Variants in CDYL2 observed in about 807,000 individuals in gnomAD.
The protein encoded by CDYL2 is chromodomain Y like 2, also known as chromodomain Y-like protein 2.
A neutral mutation model predicts 49.4 loss-of-function variants in CDYL2; 23 were observed. The observed-to-expected ratio is 0.47, with a 90% CI of 0.34 to 0.66. The LOEUF (loss-of-function observed/expected upper bound fraction) is 0.66, where lower values mean the gene tolerates loss of function less well. Among genes scored for constraint, CDYL2 ranks in the 30% least tolerant of loss-of-function variants. The pLI is 0.01. For missense variants in CDYL2, 678 were observed against 656.4 expected (o/e 1.03, Z -0.36); for synonymous variants, 360 against 268.8 (o/e 1.34, Z -3.32).
At chr16:80,744,553 T>A (rs1156712122) in intron 1 of CDYL2, among the ~76,000 whole-genome samples, 3 of 152,200 alleles carry the variant, frequency 2.0e-5, no homozygotes, top group Non-Finnish European at 4.4e-5. Context: ...ATCATTTTAT[T>A]TAATCCTCCC....
At chr16:80,728,470 A>C (rs1905233209) in intron 1 of CDYL2, among the ~76,000 whole-genome samples, 1 of 152,200 alleles carries the variant, frequency 6.6e-6, no homozygotes, top group African/African-American at 2.4e-5. Flanking sequence ...TCTACGTCTG[A>C]TTGGTGTACC....
chr16:80,700,399 C>A (rs1261702523), intron 1 of CDYL2, among the ~76,000 whole-genome samples: 1 of 152,044 alleles, frequency 6.6e-6, no homozygotes, highest in Non-Finnish European at 1.5e-5. Flanking sequence ...AATTAAATGA[C>A]AATGGACTGA....
intron 2 of CDYL2, among the ~76,000 whole-genome samples, chr16:80,675,124 C>G (rs1909689700): frequency 6.6e-6 from 1 of 152,176 alleles, no homozygotes; most frequent in African/African-American, 2.4e-5. Context: ...AAAGGCAGGC[C>G]CAGGGGTGTT....
intron 1 of CDYL2, among the ~76,000 whole-genome samples, chr16:80,763,602 ACT>A (rs771520467): frequency 6.7e-6 from 1 of 150,176 alleles, no homozygotes; most frequent in Non-Finnish European, 1.5e-5. Context: ...ACAGAGCAAG[ACT>A]CTGTCTCAAA....
intron 2 of CDYL2, among the ~76,000 whole-genome samples, chr16:80,659,712 C>A (rs1474472483): frequency 6.6e-6 from 1 of 151,892 alleles, no homozygotes; most frequent in East Asian, 1.9e-4. Context: ...TCATAGTTTT[C>A]TGTAAGTTTG....
In CDYL2 at chr16:80,634,248, A is replaced by G. The variant is rs995738925; in HGVS notation, c.617-1012T>C. On this transcript the variant is annotated intron_variant, in intron 2 of 6. Transcript: ENST00000570137. ...ATAGCTCACACTTGGAAAGAACCCA[A>G]ATGTCCATCAGTGATAGACTGGATT... Among the ~76,000 whole-genome samples the G allele has an allele frequency of 2.6e-5, 4 of 152,208 alleles. No homozygotes were observed. The South Asian group carries it at 8.3e-4, about 32-fold the overall frequency.
intron 1 of CDYL2, among the ~76,000 whole-genome samples, chr16:80,794,089 T>C (rs1311876395): frequency 1.3e-5 from 2 of 152,232 alleles, no homozygotes; most frequent in Non-Finnish European, 2.9e-5. Flanking sequence ...GTCTGTTTCA[T>C]GTAGAAAAAC....
chr16:80,643,462 C>T (rs890611933), intron 2 of CDYL2, among the ~76,000 whole-genome samples: 1 of 152,242 alleles, frequency 6.6e-6, no homozygotes, highest in African/African-American at 2.4e-5. Flanking sequence ...CTCCACTAGG[C>T]GGTGCCTCCA....
chr16:80,611,624 G>A lies in CDYL2; in HGVS notation c.1218+1002C>T, dbSNP rs531521500. On this transcript the variant is annotated intron_variant, in intron 5 of 6. Coordinates refer to ENST00000570137, the MANE Select transcript of CDYL2 (RefSeq NM_152342.4). ...AGGCTGGGTTCGGAGCACAGACAGT[G>A]GAACCAGCCAGTTCGTGCTCAAATC... Among the ~76,000 whole-genome samples, 3 of 152,304 alleles carry A rather than the reference G, an allele frequency of 2.0e-5. No individual in the cohort carries two copies. In the South Asian group the frequency reaches 6.2e-4, roughly 32 times the overall value.
At chr16:80,611,703 G>C (rs1906604842) in intron 5 of CDYL2, among the ~76,000 whole-genome samples, 3 of 152,178 alleles carry the variant, frequency 2.0e-5, no homozygotes, top group African/African-American at 7.2e-5. Flanking sequence ...AACCTCTCTA[G>C]CCTCAGTCTC....
intron 1 of CDYL2, among the ~76,000 whole-genome samples, chr16:80,742,628 G>T (rs3114388): frequency 0.012 from 1,782 of 151,978 alleles, 31 homozygotes; most frequent in African/African-American, 0.041. Flanking sequence ...ATGGATGAAT[G>T]GATGGATGGA....
chr16:80,609,562 G>C (rs1347507726), intron 5 of CDYL2, among the ~76,000 whole-genome samples: 2 of 152,184 alleles, frequency 1.3e-5, no homozygotes, highest in Non-Finnish European at 2.9e-5. Flanking sequence ...ACTTTCTGAA[G>C]AACACCTCAG....
At chr16:80,803,899 TAA>T (rs1205334808) in intron 1 of CDYL2, among the ~76,000 whole-genome samples, 1 of 141,012 alleles carries the variant, frequency 7.1e-6, no homozygotes, top group African/African-American at 2.6e-5. Context: ...GTAGATGGAG[TAA>T]GAGAGTGTGT....
At chr16:80,637,367 T>C (rs1484532575) in intron 2 of CDYL2, among the ~76,000 whole-genome samples, 1 of 152,166 alleles carries the variant, frequency 6.6e-6, no homozygotes, top group Admixed American at 6.5e-5. Flanking sequence ...ATGTTCTCTC[T>C]CTTTTTCAAT....
intron 2 of CDYL2, among the ~76,000 whole-genome samples, chr16:80,646,729 C>T (rs1323995600): frequency 6.6e-6 from 1 of 152,032 alleles, no homozygotes; most frequent in East Asian, 1.9e-4. Flanking sequence ...TCAGAGGTTG[C>T]AGTGAGCCAA....
intron 2 of CDYL2, chr16:80,671,079 C>T (rs1909483872): frequency 4.5e-6 from 2 of 443,602 alleles, no homozygotes; most frequent in African/African-American, 2.0e-5. Context: ...TCTCTCCTGC[C>T]GCAGCCCCTA....
At chr16:80,627,882 T>C (rs1238695754) in intron 3 of CDYL2, 1 of 152,256 alleles carries the variant, frequency 6.6e-6, no homozygotes, top group Non-Finnish European at 1.5e-5. Flanking sequence ...GCACCTGCTA[T>C]TAGTTGTCTG....
At chr16:80,730,848 C>A (rs565250756) in intron 1 of CDYL2, among the ~76,000 whole-genome samples, 1 of 151,966 alleles carries the variant, frequency 6.6e-6, no homozygotes, top group African/African-American at 2.4e-5. Context: ...AGAAGCCAGA[C>A]AAAAGGGAGC....
intron 1 of CDYL2, among the ~76,000 whole-genome samples, chr16:80,793,652 C>T (rs1201425368): frequency 6.6e-6 from 1 of 152,230 alleles, no homozygotes; most frequent in African/African-American, 2.4e-5. Context: ...TCCCTGCCCT[C>T]ACCGAGCTTA....
Sources: gnomAD v4.1 joint callset for allele counts (sites outside exome capture counted in the v4.1 genomes callset) on GRCh38, gnomAD v4.1.1 for gene constraint, MANE v1.5 for transcripts, NCBI Gene and HGNC (gene_info 2026-07-23, HGNC 2026-07-21) for gene names.